DNAH6: variants seen among roughly 807,000 people sequenced by gnomAD.
DNAH6 encodes axonemal beta dynein heavy chain 6.
In DNAH6, 340 loss-of-function variants were observed where a neutral mutation model predicts 491.4. The ratio of observed to expected loss-of-function variants is 0.69; its 90% CI spans 0.63 to 0.76. The LOEUF is 0.76. DNAH6 is among the 30% of genes least tolerant of loss of function. The pLI, the probability that DNAH6 is intolerant of heterozygous loss-of-function variation, is 0.00. For missense variants in DNAH6, 4,443 were observed against 4,972.2 expected, an observed-to-expected ratio of 0.89 and a Z score of 3.20; for synonymous variants, 1,603 against 1,686.1, an observed-to-expected ratio of 0.95 and a Z score of 1.21.
chr2:84,657,047 G>A (rs1211194753), intron 35 of DNAH6, among the ~76,000 whole-genome samples: 1 of 151,962 alleles, frequency 6.6e-6, no homozygotes, highest in Non-Finnish European at 1.5e-5. Flanking sequence ...TTTTTTGCAT[G>A]TGTATATCCA....
intron 35 of DNAH6, among the ~76,000 whole-genome samples, chr2:84,656,781 G>A (rs896865966): frequency 4.0e-5 from 6 of 151,824 alleles, no homozygotes; most frequent in Non-Finnish European, 8.8e-5. Context: ...TCTTCAGATT[G>A]TATAAATATT....
intron 29 of DNAH6, among the ~76,000 whole-genome samples, chr2:84,631,898 C>A (rs1022690211): frequency 6.6e-6 from 1 of 152,124 alleles, no homozygotes; most frequent in African/African-American, 2.4e-5. Context: ...CTGACCCTTC[C>A]CCAGAATTTT....
rs1055033254 is a variant in DNAH6, at chr2:84,552,998, G to C, written c.1566G>C (p.Gln522His). The change falls in exon 10 of 77, where the codon CAG becomes CAC. Residue 522 changes from glutamine (Q) to histidine (H), a missense_variant. Physicochemically the swap from Gln to His is conservative, Grantham distance 24. Coordinates refer to ENST00000389394, the MANE Select transcript of DNAH6 (RefSeq NM_001370.2). Reference sequence around the variant, plus strand: ...TCACAGAACTAATGTTGACAGTCCAGTCACTGCTCTTTGAGCCTTCTCTGG... The same window carrying C: ...TCACAGAACTAATGTTGACAGTCCACTCACTGCTCTTTGAGCCTTCTCTGG... ...MFLTELMLTVQSLLFEPSLED... is the reference protein window; with the variant it reads ...MFLTELMLTVHSLLFEPSLED... The C allele has an allele frequency of 3.7e-6, 6 of 1,609,710 alleles. No individual in the cohort carries two copies. The African/African-American group carries it at 5.4e-5, about 14-fold the overall frequency.
In DNAH6 at chr2:84,548,288, A is replaced by T; in HGVS notation, c.1187A>T (p.Asp396Val). Residue 396 changes from aspartate (D) to valine (V), a missense_variant and splice_region_variant, in exon 8 of 77, where the codon GAT becomes GTT. Physicochemically the swap from Asp to Val is radical, Grantham distance 152. Transcript: ENST00000389394. The stretch of plus-strand genomic sequence containing the variant: ...TTGTTGTTCCTTCTGTTATTCTTAG[A>T]TTATCATAAAGTGCAGAGCAGTGGA... ...PDDCAFGPFE[D>V]YHKVQSSGSF... is the part of the protein sequence containing the mutation. The T allele has an allele frequency of 6.2e-7, 1 of 1,608,078 alleles. No homozygotes were observed. The highest frequency in any genetic ancestry group is 8.5e-7 in the Non-Finnish European group (1 of 1,178,320).
chr2:84,608,411 T>C (rs913293660), intron 21 of DNAH6, among the ~76,000 whole-genome samples: 11 of 152,224 alleles, frequency 7.2e-5, no homozygotes, highest in Admixed American at 7.2e-4. Context: ...TCTTAAATAA[T>C]AAGACTTTCA....
At chr2:84,492,680 A>G in the DNAH6 span, among the ~76,000 whole-genome samples, 2 of 152,174 alleles carry the variant, frequency 1.3e-5, no homozygotes, top group Non-Finnish European at 2.9e-5. Flanking sequence ...TTGCTCTTAC[A>G]TCTATGGGAA....
chr2:84,553,373 C>G (rs1679639931), intron 10 of DNAH6, among the ~76,000 whole-genome samples: 1 of 37,580 alleles, frequency 2.7e-5, no homozygotes, highest in Non-Finnish European at 5.3e-5. Flanking sequence ...TCTTTTCTTT[C>G]TTTCTTTCTT....
intron 41 of DNAH6, 125 bp from the exon 42 acceptor site, chr2:84,681,232 C>T: frequency 1.3e-6 from 1 of 777,386 alleles, no homozygotes; most frequent in East Asian, 2.8e-5. Flanking sequence ...AGCTTTGATA[C>T]CAGAAGACTT....
At chr2:84,581,165 C>T (rs1682985879) in intron 14 of DNAH6, among the ~76,000 whole-genome samples, 1 of 152,142 alleles carries the variant, frequency 6.6e-6, no homozygotes, top group South Asian at 2.1e-4. Flanking sequence ...AAGGTAGGGT[C>T]ACATCATAAT....
chr2:84,534,339 C>G (rs1677474219), intron 4 of DNAH6, among the ~76,000 whole-genome samples: 1 of 151,972 alleles, frequency 6.6e-6, no homozygotes, highest in Non-Finnish European at 1.5e-5. Context: ...GTATGGTTAC[C>G]TTGTCAAACT....
At chr2:84,585,845 A>G (rs1442026955) in intron 15 of DNAH6, among the ~76,000 whole-genome samples, 1 of 152,082 alleles carries the variant, frequency 6.6e-6, no homozygotes, top group Non-Finnish European at 1.5e-5. Flanking sequence ...GGAAGTGTGT[A>G]CTGATTGGCC....
At chr2:84,819,088 C>A (rs1220445719) in intron 76 of DNAH6, among the ~76,000 whole-genome samples, 14 of 150,172 alleles carry the variant, frequency 9.3e-5, no homozygotes, top group African/African-American at 2.7e-4. Context: ...AAAAAAAATT[C>A]TATGAAGTCT....
At chr2:84,666,912 C>T (rs1056292943) in intron 37 of DNAH6, among the ~76,000 whole-genome samples, 4 of 152,052 alleles carry the variant, frequency 2.6e-5, no homozygotes, top group African/African-American at 4.8e-5. Flanking sequence ...TATAGACCAA[C>T]GGAACCGAAC....
chr2:84,670,613 AT>A (rs1692640379), intron 39 of DNAH6, 138 bp downstream of exon 39: 3 of 669,134 alleles, frequency 4.5e-6, no homozygotes, highest in Admixed American at 3.3e-5. Context: ...TGTTCATGGC[AT>A]TTTTATGCTA....
rs1293180562 is a variant in DNAH6 at position 84,616,968 on chromosome 2, A to G, written c.3558A>G (p.Arg1186=). The G allele has an allele frequency of 4.0e-6, 6 of 1,490,484 alleles. No homozygotes were observed. Among genetic ancestry groups the G allele is most frequent in the Non-Finnish European group, 5.4e-6 (6 of 1,120,664 alleles). The allele number at this position is 1,490,484 out of a possible 1,614,324, so 92.3% of individuals were successfully genotyped here. ...TAGAGGCATACTTAGAATCAAAAAG[A>G]GTTATCTTTCCAAGGTAAGTTTATA... The part of the protein sequence containing the change: ...KCLEAYLESK[R]VIFPRFYFLS... Residue 1186 remains arginine (R), a synonymous_variant, in exon 23 of 77, where the codon AGA becomes AGG. Coordinates refer to ENST00000389394, the MANE Select transcript of DNAH6 (RefSeq NM_001370.2).
Position 84,621,559 on chromosome 2 carries a change from C to A in DNAH6, c.4071+8C>A, listed in dbSNP as rs574770624. Reference sequence around the variant, plus strand: ...GAAAAAGTAAATTTTGAGGTGAGATCTGTAACAAAGTGACATTGTTGTCCT... The same window carrying A: ...GAAAAAGTAAATTTTGAGGTGAGATATGTAACAAAGTGACATTGTTGTCCT... On this transcript the variant is annotated splice_region_variant and intron_variant, in intron 26 of 76. Coordinates refer to ENST00000389394, the MANE Select transcript of DNAH6 (RefSeq NM_001370.2). 3 of 1,481,268 alleles carry A rather than the reference C, an allele frequency of 2.0e-6. No individual in the cohort carries two copies. Among genetic ancestry groups the A allele is most frequent in the Non-Finnish European group, 2.8e-6 (3 of 1,090,244 alleles). 91.8% of individuals were successfully genotyped at this position (1,481,268 alleles called of 1,614,324 possible). A position where few individuals can be genotyped will look rare whatever the true frequency, so the allele number is the denominator to read the frequency against.
chr2:84,703,304 A>T (rs1696107088), intron 49 of DNAH6, 91 bp from the exon 50 acceptor site: 1 of 931,666 alleles, frequency 1.1e-6, no homozygotes, highest in African/African-American at 1.7e-5. Flanking sequence ...CTGTAGACGT[A>T]AAAGTCTAAT....
intron 45 of DNAH6, among the ~76,000 whole-genome samples, chr2:84,690,874 C>G (rs1196271133): frequency 1.3e-5 from 2 of 152,234 alleles, no homozygotes; most frequent in Non-Finnish European, 2.9e-5. Context: ...CACTACATTT[C>G]CATTTGCTGG....
At chr2:84,677,164 A>G (rs1238757403) in intron 41 of DNAH6, 28 bp downstream of exon 41, 9 of 1,551,424 alleles carry the variant, frequency 5.8e-6, no homozygotes, top group Admixed American at 3.9e-5. Context: ...CTTAGGCAAC[A>G]GGAGGAAAAG....
Sources: allele counts gnomAD v4.1 joint callset (sites outside exome capture counted in the v4.1 genomes callset), GRCh38; gene constraint gnomAD v4.1.1; transcripts MANE v1.5; gene names NCBI Gene and HGNC (gene_info 2026-07-23, HGNC 2026-07-21).